The following CREB5 variants were observed in gnomAD, a reference collection of about 807,000 sequenced individuals.
The protein encoded by CREB5 is cAMP responsive element binding protein 5.
In CREB5, 19 loss-of-function variants were observed where a neutral mutation model predicts 57.1. That is an observed-to-expected ratio of 0.33 (90% CI 0.23 to 0.49). CREB5 has a LOEUF of 0.49. Ranked by LOEUF, CREB5 falls within the 20% of genes least tolerant of loss-of-function variation. CREB5 has a pLI of 0.99. For missense variants in CREB5, 579 were observed against 671.6 expected (o/e 0.86, Z 1.52); for synonymous variants, 238 against 238.3 (o/e 1.00, Z 0.01).
At chr7:28,325,598 G>A (rs1186768970) in intron 1 of CREB5, among the ~76,000 whole-genome samples, 1 of 152,160 alleles carries the variant, frequency 6.6e-6, no homozygotes, top group African/African-American at 2.4e-5. Context: ...TATCTCATAT[G>A]ATTCTTCCTG....
chr7:28,581,754 C>T (rs749998801), intron 5 of CREB5, among the ~76,000 whole-genome samples: 12 of 152,198 alleles, frequency 7.9e-5, no homozygotes, highest in Admixed American at 2.6e-4. Flanking sequence ...TGTCAAGCAT[C>T]GCAAAGCCAA....
chr7:28,761,166 C>T (rs1260429548), intron 7 of CREB5, among the ~76,000 whole-genome samples: 1 of 152,072 alleles, frequency 6.6e-6, no homozygotes, highest in Non-Finnish European at 1.5e-5. Context: ...ATTCAAATAT[C>T]CAGAAATTGT....
chr7:28,409,188 G>C (rs1170229481), upstream of CREB5: 1 of 151,486 alleles, frequency 6.6e-6, no homozygotes, highest in African/African-American at 2.4e-5. The surrounding 1 kb of genome is among the most constrained non-coding windows in gnomAD (Gnocchi z 4.4). Context: ...GGGTCCGCGC[G>C]GGCGGGGCGG....
chr7:28,403,670 A>G (rs6955105), intron 1 of CREB5, among the ~76,000 whole-genome samples: 47,544 of 151,972 alleles, frequency 0.31, 7,573 homozygotes, highest in East Asian at 0.52. Context: ...GCATGTGAGC[A>G]TGGAGCTGGG....
chr7:28,341,015 C>T (rs2127988820), intron 1 of CREB5, among the ~76,000 whole-genome samples: 1 of 152,266 alleles, frequency 6.6e-6, no homozygotes, highest in South Asian at 2.1e-4. Context: ...GAAGGAGTGG[C>T]ATTGGCAATT....
chr7:28,645,973 G>T (rs919758633), intron 5 of CREB5, among the ~76,000 whole-genome samples: 1 of 152,146 alleles, frequency 6.6e-6, no homozygotes, highest in Non-Finnish European at 1.5e-5. Context: ...ATCTTCTCCT[G>T]CCCTCAGACA....
At chr7:28,384,000 C>T (rs1301990186) in intron 1 of CREB5, among the ~76,000 whole-genome samples, 3 of 152,144 alleles carry the variant, frequency 2.0e-5, no homozygotes, top group East Asian at 1.9e-4. Flanking sequence ...TTATCTGCTA[C>T]CAATGTAGGT....
intron 1 of CREB5, among the ~76,000 whole-genome samples, chr7:28,476,312 A>T (rs373205738): frequency 6.6e-6 from 1 of 152,214 alleles, no homozygotes; most frequent in African/African-American, 2.4e-5. Flanking sequence ...GGAATCTTCA[A>T]TCTCTCGACA....
chr7:28,552,154 C>CT, intron 4 of CREB5, among the ~76,000 whole-genome samples: 1 of 152,202 alleles, frequency 6.6e-6, no homozygotes, highest in East Asian at 1.9e-4. Context: ...GATTCTCCTG[C>CT]TTCAGCCTCC....
intron 1 of CREB5, among the ~76,000 whole-genome samples, chr7:28,337,531 T>G (rs982139313): frequency 6.6e-6 from 1 of 151,094 alleles, no homozygotes; most frequent in Non-Finnish European, 1.5e-5. Context: ...TCTTTTTTTT[T>G]GTTATTTATT....
intron 1 of CREB5, among the ~76,000 whole-genome samples, chr7:28,330,634 A>C (rs1198178676): frequency 2.6e-5 from 4 of 151,726 alleles, no homozygotes; most frequent in Non-Finnish European, 5.9e-5. Context: ...GCAAAAAAAA[A>C]AACAACCACA....
At chr7:28,603,422 T>C (rs1796998026) in intron 5 of CREB5, among the ~76,000 whole-genome samples, 1 of 152,186 alleles carries the variant, frequency 6.6e-6, no homozygotes, top group African/African-American at 2.4e-5. Context: ...TTGATCACAT[T>C]GAAAGTAAAA....
chr7:28,746,718 G>A (rs968433091), intron 7 of CREB5, among the ~76,000 whole-genome samples: 1 of 152,186 alleles, frequency 6.6e-6, no homozygotes, highest in African/African-American at 2.4e-5. Context: ...GACCCCTTCA[G>A]TTTGTAATGA....
intron 5 of CREB5, among the ~76,000 whole-genome samples, chr7:28,705,311 C>T (rs778903014): frequency 2.5e-4 from 37 of 147,084 alleles, no homozygotes; most frequent in Non-Finnish European, 4.6e-4. Flanking sequence ...TGCAGTGAGC[C>T]GAGATCACTC....
At chr7:28,322,718 C>T (rs1156639978) in intron 1 of CREB5, among the ~76,000 whole-genome samples, 1 of 151,992 alleles carries the variant, frequency 6.6e-6, no homozygotes, top group African/African-American at 2.4e-5. Flanking sequence ...TTTTCTGTTC[C>T]TGTGTTAGTT....
At chr7:28,719,255 T>G (rs1023786989) in intron 6 of CREB5, among the ~76,000 whole-genome samples, 1 of 151,670 alleles carries the variant, frequency 6.6e-6, no homozygotes, top group Non-Finnish European at 1.5e-5. Context: ...GGATAATAAC[T>G]ATAATAATAT....
At chr7:28,377,864 G>A (rs1400739715) in intron 1 of CREB5, among the ~76,000 whole-genome samples, 3 of 148,232 alleles carry the variant, frequency 2.0e-5, no homozygotes, top group Admixed American at 6.8e-5. Context: ...CCCGAGAGGC[G>A]GAGCTTGCAG....
chr7:28,366,003 A>G (rs1786578799), intron 1 of CREB5, among the ~76,000 whole-genome samples: 1 of 152,200 alleles, frequency 6.6e-6, no homozygotes. Flanking sequence ...TTCTTTTTAA[A>G]TGTGCCCAGT....
At chr7:28,573,431 C>G (rs756749109) in intron 5 of CREB5, among the ~76,000 whole-genome samples, 1 of 152,238 alleles carries the variant, frequency 6.6e-6, no homozygotes, top group Non-Finnish European at 1.5e-5. Flanking sequence ...AGTCTTCATT[C>G]AGGCTCAGTG....
Sources: allele counts gnomAD v4.1 joint callset (sites outside exome capture counted in the v4.1 genomes callset), GRCh38; gene constraint gnomAD v4.1.1; non-coding constraint Gnocchi (gnomAD v3.1); transcripts MANE v1.5; gene names NCBI Gene and HGNC (gene_info 2026-07-23, HGNC 2026-07-21).